CABIN1: variants seen among roughly 807,000 people sequenced by gnomAD.
The protein encoded by CABIN1 is calcineurin-binding protein cabin-1.
In CABIN1, 133 loss-of-function variants were observed where a neutral mutation model predicts 227.7. The observed-to-expected ratio is 0.58, with a 90% confidence interval of 0.51 to 0.67. The LOEUF (loss-of-function observed/expected upper bound fraction) is 0.67. Among genes scored for constraint, CABIN1 ranks in the 30% least tolerant of loss-of-function variants. The pLI is 0.00. For synonymous variants in CABIN1, 1,086 were observed against 1,155.1 expected (o/e 0.94, Z 1.21); for missense variants, 2,408 against 2,852.5 (o/e 0.84, Z 3.55).
chr22:24,130,807 G>T (rs906669603), intron 28 of CABIN1, among the ~76,000 whole-genome samples: 1 of 152,156 alleles, frequency 6.6e-6, no homozygotes, highest in Non-Finnish European at 1.5e-5. Flanking sequence ...CTCTTTCTCT[G>T]GTGGGCCTGG....
intron 1 of CABIN1, among the ~76,000 whole-genome samples, chr22:24,019,129 T>C (rs1289617911): frequency 7.7e-6 from 1 of 129,810 alleles, no homozygotes; most frequent in Non-Finnish European, 1.6e-5. Context: ...TGTTTTTTTT[T>C]TTTTTTTTTT....
chr22:24,048,923 A>ACT (rs2038107360), intron 6 of CABIN1, among the ~76,000 whole-genome samples, 168 bp from the exon 7 acceptor site: 1 of 151,900 alleles, frequency 6.6e-6, no homozygotes, highest in African/African-American at 2.4e-5. Flanking sequence ...TGCCCAGTCT[A>ACT]CTCTGGGTCT....
chr22:24,145,264 C>T (rs1225319604), intron 29 of CABIN1, among the ~76,000 whole-genome samples: 1 of 152,084 alleles, frequency 6.6e-6, no homozygotes, highest in Admixed American at 6.5e-5. Flanking sequence ...CCTGAATGCA[C>T]TGGAGGGGCT....
rs751306185 is a variant in CABIN1 at position 24,070,993 on chromosome 22, TATC to T, written c.2430_2432del (p.Ser812del). 8 of 1,614,058 alleles carry T rather than the reference TATC, an allele frequency of 5.0e-6. No homozygotes were observed. Among genetic ancestry groups the T allele is most frequent in the Non-Finnish European group, 6.8e-6 (8 of 1,180,034 alleles). On this transcript the variant is annotated inframe_deletion, in exon 17 of 37. Coordinates refer to ENST00000263119, the MANE Select transcript of CABIN1 (RefSeq NM_012295.4). ...GACAGCAGTGGTAGCATCCTGAAGG[TATC>T]ATCCTCCACCACTGGCCTTGTGCGG...
At chr22:24,093,187 G>A (rs2041664120) in intron 24 of CABIN1, among the ~76,000 whole-genome samples, 2 of 152,292 alleles carry the variant, frequency 1.3e-5, no homozygotes, top group East Asian at 1.9e-4. Context: ...TGATGAGAGT[G>A]TTTGCTTTCC....
At chr22:24,054,598 G>A (rs1039845499) in intron 8 of CABIN1, among the ~76,000 whole-genome samples, 1 of 152,218 alleles carries the variant, frequency 6.6e-6, no homozygotes, top group Non-Finnish European at 1.5e-5. Flanking sequence ...AAGTGCCTCA[G>A]GCCAAGATGC....
intron 19 of CABIN1, among the ~76,000 whole-genome samples, chr22:24,076,678 A>T (rs562967551): frequency 6.6e-6 from 1 of 152,260 alleles, no homozygotes; most frequent in East Asian, 1.9e-4. Flanking sequence ...ACTAAGCATT[A>T]CTCACAATGC....
intron 1 of CABIN1, 75 bp downstream of exon 1, chr22:24,011,442 C>G (rs759528466): frequency 6.6e-6 from 1 of 152,490 alleles, no homozygotes. Flanking sequence ...GGGCACAGGC[C>G]GGAGGGGCTG....
chr22:24,108,898 G>T (rs1276837833), intron 26 of CABIN1, among the ~76,000 whole-genome samples: 1 of 152,158 alleles, frequency 6.6e-6, no homozygotes, highest in African/African-American at 2.4e-5. Flanking sequence ...AGCTGTAATG[G>T]CACATTTGAG....
At chr22:24,098,433 C>G (rs1602072296) in intron 26 of CABIN1, 1 of 273,358 alleles carries the variant, frequency 3.7e-6, no homozygotes, top group Non-Finnish European at 5.6e-6. Context: ...AGGGGGCAGG[C>G]CAGGCTATGG....
At chr22:24,033,293 A>G (rs570379890) in intron 1 of CABIN1, among the ~76,000 whole-genome samples, 150 of 152,338 alleles carry the variant, frequency 9.8e-4, no homozygotes, top group African/African-American at 3.4e-3. Context: ...TCATTGCTGT[A>G]AGCACTGGTG....
intron 13 of CABIN1, 76 bp from the exon 14 acceptor site, chr22:24,062,883 A>G: frequency 6.8e-7 from 1 of 1,467,570 alleles, no homozygotes; most frequent in Non-Finnish European, 9.6e-7. Context: ...GGTTAGGGCC[A>G]AGTGCAACTT....
At chr22:24,175,641 A>C in intron 34 of CABIN1, 2 of 253,006 alleles carry the variant, frequency 7.9e-6, no homozygotes, top group East Asian at 1.0e-4. Flanking sequence ...GCCTCAGGCC[A>C]GGGAAGGTGT....
intron 28 of CABIN1, among the ~76,000 whole-genome samples, chr22:24,124,051 G>A (rs1187162157): frequency 6.6e-6 from 1 of 151,926 alleles, no homozygotes; most frequent in East Asian, 1.9e-4. Flanking sequence ...CACTTGCTTA[G>A]TTGCTGACAG....
chr22:24,176,191 G>A lies in CABIN1; in HGVS notation c.6121G>A (p.Ala2041Thr), dbSNP rs1209441973. 2 of 1,611,068 alleles carry A rather than the reference G, an allele frequency of 1.2e-6. No individual in the cohort carries two copies. The highest frequency in any genetic ancestry group is 1.7e-6 in the Non-Finnish European group (2 of 1,179,260). The change falls in exon 35 of 37, where the codon GCC becomes ACC. Residue 2041 changes from alanine (A) to threonine (T), a missense_variant. Physicochemically the swap from Ala to Thr is moderately conservative, Grantham distance 58. Transcript: ENST00000263119. ...ACGGCACAGTCCGCAGGTGAAGATG[G>A]CCCCCACAAGTTCCCCGGCAGAGCC... The part of the protein sequence containing the change: ...EPRHSPQVKM[A>T]PTSSPAEPHC...
At position 24,083,405 on chromosome 22, in the gene CABIN1, T is replaced by G. The variant is rs750330250; in HGVS notation, c.2910+16T>G. The G allele has an allele frequency of 1.4e-5, 23 of 1,613,470 alleles. No homozygotes were observed. Among genetic ancestry groups the G allele is most frequent in the Non-Finnish European group, 1.9e-5 (22 of 1,179,918 alleles). On this transcript the variant is annotated intron_variant, in intron 20 of 36. Transcript: ENST00000263119. ...GGCCCAGCAGGTGAGGGTGCTGCAATAGGCCCAACAAAGAGGGAAGCAGGA... is the reference window on the plus strand; with the variant it reads ...GGCCCAGCAGGTGAGGGTGCTGCAAGAGGCCCAACAAAGAGGGAAGCAGGA...
In CABIN1 at chr22:24,085,066, C is replaced by T. The variant is rs1251358789; in HGVS notation, c.3178C>T (p.Leu1060Phe). ...TCCAGTGGTGAACGAGCTTTACTAC[C>T]TCCTGGCTGATTATCATTTCAAAAA... ...SPPVVNELYY[L>F]LADYHFKNKE... is the part of the protein sequence containing the mutation. The change falls in exon 22 of 37, where the codon CTC becomes TTC. Residue 1060 changes from leucine (L) to phenylalanine (F), a missense_variant. By Grantham distance (22) the Leu-to-Phe change is conservative. This residue lies in a region of CABIN1 where 649 missense variants were observed against 910.3 expected (regional missense o/e 0.71). Coordinates refer to ENST00000263119, the MANE Select transcript of CABIN1 (RefSeq NM_012295.4). 1.2e-6 allele frequency: 2 copies of T among 1,614,096 alleles called. No individual in the cohort carries two copies. Among genetic ancestry groups the T allele is most frequent in the Non-Finnish European group, 1.7e-6 (2 of 1,180,048 alleles).
At chr22:24,022,964 T>C (rs1031129102) in intron 1 of CABIN1, among the ~76,000 whole-genome samples, 2 of 152,218 alleles carry the variant, frequency 1.3e-5, no homozygotes, top group Admixed American at 1.3e-4. Context: ...CCATTTTAAG[T>C]GAACAATTCA....
chr22:24,143,063 A>T (rs749810639), intron 29 of CABIN1, among the ~76,000 whole-genome samples: 7 of 152,146 alleles, frequency 4.6e-5, no homozygotes, highest in Non-Finnish European at 1.0e-4. Context: ...GCAAGCCTGG[A>T]TTAGTAGTCA....
Sources: gnomAD v4.1 joint callset for allele counts (sites outside exome capture counted in the v4.1 genomes callset) on GRCh38, gnomAD v4.1.1 for gene constraint, gnomAD v4.1.1 regional missense constraint, MANE v1.5 for transcripts, NCBI Gene and HGNC (gene_info 2026-07-23, HGNC 2026-07-21) for gene names.